The following SPDYE3 variants were observed in gnomAD, a reference collection of about 807,000 sequenced individuals.
SPDYE3 encodes the protein speedy/RINGO cell cycle regulator family member E3.
In SPDYE3, 15 loss-of-function variants were observed where a neutral mutation model predicts 55.0. The observed-to-expected ratio is 0.27, with a 90% confidence interval of 0.18 to 0.42. The LOEUF (loss-of-function observed/expected upper bound fraction) is 0.42. SPDYE3 is among the 10% of genes least tolerant of loss of function. The probability of loss-of-function intolerance (pLI) is 1.00; values close to 1 mark genes in which losing one functional copy is unlikely to be tolerated. For synonymous variants in SPDYE3, 89 were observed against 229.9 expected, an observed-to-expected ratio of 0.39 and a Z score of 5.55; for missense variants, 236 against 576.7, an observed-to-expected ratio of 0.41 and a Z score of 6.05.
At chr7:100,308,071 TG>T (rs1805866731) in intron 1 of SPDYE3, 80 bp downstream of exon 1, 1 of 1,451,886 alleles carries the variant, frequency 6.9e-7, no homozygotes, top group Non-Finnish European at 9.1e-7. Context: ...AGCTCACCCC[TG>T]TAACACCAAC....
At chr7:100,309,709 A>G in intron 2 of SPDYE3, among the ~76,000 whole-genome samples, 1 of 116,830 alleles carries the variant, frequency 8.6e-6, no homozygotes, top group Non-Finnish European at 1.8e-5. Context: ...TGAGAGAGTG[A>G]GACGCTGTCT....
At chr7:100,318,156 C>T (rs962041941) in intron 8 of SPDYE3, among the ~76,000 whole-genome samples, 27 of 152,188 alleles carry the variant, frequency 1.8e-4, no homozygotes, top group African/African-American at 6.0e-4. Context: ...TCTGGGTTCC[C>T]GTGACAGAGG....
At chr7:100,311,502 A>G (rs1160078276) in intron 3 of SPDYE3, among the ~76,000 whole-genome samples, 1 of 139,130 alleles carries the variant, frequency 7.2e-6, no homozygotes, top group African/African-American at 2.8e-5. Flanking sequence ...AAAAAAAAAA[A>G]GAGGGCCTCA....
intron 6 of SPDYE3, among the ~76,000 whole-genome samples, chr7:100,315,304 AT>A (rs1454330208): frequency 3.3e-5 from 5 of 152,146 alleles, no homozygotes; most frequent in African/African-American, 1.2e-4. Flanking sequence ...ATAAATAAAA[AT>A]AAAAATCAAA....
At chr7:100,320,541 TAC>T in intron 10 of SPDYE3, 1 of 958,888 alleles carries the variant, frequency 1.0e-6, no homozygotes, top group African/African-American at 1.8e-5. Context: ...CTAGCACAGT[TAC>T]AAGTTTAGAT....
chr7:100,319,541 C>A, intron 8 of SPDYE3, 24 bp from the exon 9 acceptor site: 1 of 1,614,058 alleles, frequency 6.2e-7, no homozygotes, highest in Non-Finnish European at 8.5e-7. Context: ...TGCCCCTGAG[C>A]AGCAACCTGA....
At chr7:100,318,351 G>T (rs1055612405) in intron 8 of SPDYE3, among the ~76,000 whole-genome samples, 2 of 152,138 alleles carry the variant, frequency 1.3e-5, no homozygotes, top group African/African-American at 2.4e-5. Flanking sequence ...ATCGAGGCCA[G>T]GGTCCACAGT....
intron 10 of SPDYE3, chr7:100,320,238 A>C: frequency 1.6e-6 from 2 of 1,244,020 alleles, no homozygotes; most frequent in Non-Finnish European, 2.1e-6. Flanking sequence ...GGATCGCTGG[A>C]GCCTGGGAGG....
At chr7:100,315,927 C>G (rs576773793) in intron 7 of SPDYE3, 84 bp downstream of exon 7, 39 of 1,577,292 alleles carry the variant, frequency 2.5e-5, no homozygotes, top group Non-Finnish European at 3.1e-5. Context: ...ACAGTTCTCC[C>G]TCCACCACCT....
intron 6 of SPDYE3, among the ~76,000 whole-genome samples, chr7:100,315,406 G>A (rs924731690): frequency 6.6e-6 from 1 of 152,166 alleles, no homozygotes; most frequent in Non-Finnish European, 1.5e-5. Context: ...AAACCTAAGT[G>A]TCTCCATCCA....
In SPDYE3 at chr7:100,319,682, A is replaced by G. The variant is rs2129979294; in HGVS notation, c.1464A>G (p.Leu488=). 6.2e-7 allele frequency: 1 copy of G among 1,614,082 alleles called. No homozygotes were observed. The change falls in exon 9 of 11, where the codon TTA becomes TTG. Residue 488 remains leucine, a synonymous_variant. Transcript: ENST00000332397. ...TGCGCCCTAAGCATTGGTTCCAGTT[A>G]TGCCGTCCCATGAACCCGAGGGCCA... ...IPLRPKHWFQ[L]CRPMNPRARK...
intron 6 of SPDYE3, among the ~76,000 whole-genome samples, 170 bp from the exon 7 acceptor site, chr7:100,315,615 G>C (rs948763134): frequency 7.9e-5 from 12 of 152,108 alleles, no homozygotes; most frequent in African/African-American, 2.7e-4. Flanking sequence ...CTCAGAGCAG[G>C]AGCCTCTCTC....
At chr7:100,311,493 A>C (rs1210151509) in intron 3 of SPDYE3, among the ~76,000 whole-genome samples, 4 of 139,770 alleles carry the variant, frequency 2.9e-5, no homozygotes, top group Non-Finnish European at 6.2e-5. Flanking sequence ...CTCGAAACAA[A>C]AAAAAAAAAG....
In SPDYE3 at chr7:100,320,991, T is replaced by C; in HGVS notation, c.*146T>C. On this transcript the variant is annotated 3_prime_UTR_variant, in exon 11 of 11. Coordinates refer to ENST00000332397, the MANE Select transcript of SPDYE3 (RefSeq NM_001004351.5). ...GGAGAGGAGCCATTTGTGCAGATCA[T>C]CTAGAAGAACCTGGACCATTCTTGA... 8.3e-7 allele frequency: 1 copy of C among 1,202,808 alleles called. No homozygotes were observed. The allele number at this position is 1,202,808 out of a possible 1,614,324, so 74.5% of individuals were successfully genotyped here. A position where few individuals can be genotyped will look rare whatever the true frequency, so the allele number is the denominator to read the frequency against.
intron 7 of SPDYE3, among the ~76,000 whole-genome samples, chr7:100,316,074 C>G (rs529222965): frequency 6.6e-6 from 1 of 152,112 alleles, no homozygotes; most frequent in Non-Finnish European, 1.5e-5. Flanking sequence ...TGGGTTCAAG[C>G]GATTCTCCTG....
At chr7:100,308,559 T>C (rs1805883250) in intron 1 of SPDYE3, among the ~76,000 whole-genome samples, 1 of 151,410 alleles carries the variant, frequency 6.6e-6, no homozygotes, top group Admixed American at 6.6e-5. Flanking sequence ...AAGTACAAAA[T>C]TGAGCTGGGC....
rs1347894377 is a variant in SPDYE3, at chr7:100,321,112, G to A, written c.*267G>A. 1.7e-6 allele frequency: 1 copy of A among 578,050 alleles called. No homozygotes were observed. Among genetic ancestry groups the A allele is most frequent in the African/African-American group, 1.9e-5 (1 of 52,922 alleles). 35.8% of individuals were successfully genotyped at this position (578,050 alleles called of 1,614,324 possible). A position where few individuals can be genotyped will look rare whatever the true frequency, so the allele number is the denominator to read the frequency against. ...TGGAGAAAAGTAAGAAACCAGGAGT[G>A]TTTCCAGTTCCACCCTTTCCTGCGG... On this transcript the variant is annotated 3_prime_UTR_variant, in exon 11 of 11. Transcript: ENST00000332397.
intron 6 of SPDYE3, among the ~76,000 whole-genome samples, 159 bp from the exon 7 acceptor site, chr7:100,315,626 C>T (rs529158734): frequency 0.017 from 2,584 of 152,258 alleles, 70 homozygotes; most frequent in African/African-American, 0.055. Context: ...AGCCTCTCTC[C>T]CTTGCCCAGT....
rs1200639693 is a variant in SPDYE3 at position 100,316,195 on chromosome 7, A to T, written c.1260+352A>T. ...CATGTTGGCCAGATTGGTCCCGAACACCTGACCTCAGGTGATCCACCCGCC... is the reference window on the plus strand; with the variant it reads ...CATGTTGGCCAGATTGGTCCCGAACTCCTGACCTCAGGTGATCCACCCGCC... On this transcript the variant is annotated intron_variant, in intron 7 of 10. Coordinates refer to ENST00000332397, the MANE Select transcript of SPDYE3 (RefSeq NM_001004351.5). Among the ~76,000 whole-genome samples the T allele has an allele frequency of 5.9e-5, 9 of 152,080 alleles. 1 individual carries two copies. Among genetic ancestry groups the T allele is most frequent in the Non-Finnish European group, 1.0e-4 (7 of 67,988 alleles).
Sources: allele counts gnomAD v4.1 joint callset (sites outside exome capture counted in the v4.1 genomes callset), GRCh38; gene constraint gnomAD v4.1.1; transcripts MANE v1.5; gene names NCBI Gene and HGNC (gene_info 2026-07-23, HGNC 2026-07-21).